PFDN1: variants seen among roughly 807,000 people sequenced by gnomAD.
PFDN1 encodes prefoldin 1.
In PFDN1, 6 loss-of-function variants were observed where a neutral mutation model predicts 17.3. That is an observed-to-expected ratio of 0.35 (90% CI 0.19 to 0.69). PFDN1 has a LOEUF of 0.69. Ranked by LOEUF, PFDN1 falls within the 30% of genes least tolerant of loss-of-function variation. PFDN1 has a pLI of 0.65. For synonymous variants in PFDN1, 58 were observed against 50.1 expected (o/e 1.16, Z -0.67); for missense variants, 113 against 146.2 (o/e 0.77, Z 1.17).
At chr5:140,283,524 C>T (rs578228174) in intron 2 of PFDN1, among the ~76,000 whole-genome samples, 6 of 152,326 alleles carry the variant, frequency 3.9e-5, no homozygotes, top group Non-Finnish European at 5.9e-5. Flanking sequence ...TGAGCCACCA[C>T]GCCCAGCCCA....
chr5:140,260,385 TTGTAAA>T (rs60819269), intron 3 of PFDN1, among the ~76,000 whole-genome samples: 70,823 of 150,850 alleles, frequency 0.47, 16,766 homozygotes, highest in South Asian at 0.71. Context: ...AAACAAAAAC[TTGTAAA>T]TGTTCATAGC....
chr5:140,294,751 T>C (rs1765628676), intron 2 of PFDN1, among the ~76,000 whole-genome samples: 1 of 152,090 alleles, frequency 6.6e-6, no homozygotes, highest in Non-Finnish European at 1.5e-5. Flanking sequence ...TTTCTACTTA[T>C]GCCACATTTA....
At chr5:140,250,215 T>C (rs1467978672) in intron 3 of PFDN1, among the ~76,000 whole-genome samples, 1 of 152,134 alleles carries the variant, frequency 6.6e-6, no homozygotes, top group East Asian at 1.9e-4. Flanking sequence ...CATGCATGCA[T>C]GGTCTTGGTT....
intron 3 of PFDN1, among the ~76,000 whole-genome samples, chr5:140,258,179 G>A (rs191617006): frequency 1.2e-4 from 19 of 152,252 alleles, no homozygotes; most frequent in Admixed American, 1.2e-3. Context: ...TTAAGCAGGA[G>A]AGCAAAAGTC....
chr5:140,279,280 T>C (rs1037634818), intron 3 of PFDN1, among the ~76,000 whole-genome samples: 7 of 152,202 alleles, frequency 4.6e-5, no homozygotes, highest in African/African-American at 1.7e-4. Flanking sequence ...ATTTTATTTA[T>C]GGTGTACTTC....
intron 3 of PFDN1, among the ~76,000 whole-genome samples, chr5:140,256,343 G>A (rs1764985159): frequency 6.6e-6 from 1 of 151,978 alleles, no homozygotes; most frequent in African/African-American, 2.4e-5. Flanking sequence ...TCAAGCCACT[G>A]TACTCCAGCG....
chr5:140,264,762 C>T (rs190331528), intron 3 of PFDN1, among the ~76,000 whole-genome samples: 8 of 152,220 alleles, frequency 5.3e-5, no homozygotes, highest in Admixed American at 5.2e-4. Context: ...GGAGGAACAC[C>T]TGAGCCCAGG....
intron 3 of PFDN1, among the ~76,000 whole-genome samples, chr5:140,261,829 G>A (rs1169520831): frequency 1.3e-5 from 2 of 151,936 alleles, no homozygotes; most frequent in African/African-American, 4.8e-5. Flanking sequence ...CATAGCTCTC[G>A]GTGTTCTGAG....
intron 2 of PFDN1, among the ~76,000 whole-genome samples, chr5:140,292,335 C>A (rs1375345651): frequency 6.6e-6 from 1 of 152,092 alleles, no homozygotes; most frequent in Non-Finnish European, 1.5e-5. Context: ...ACTCCTTGTA[C>A]AAAAGCAGAA....
At chr5:140,270,626 TA>T (rs1765192464) in intron 3 of PFDN1, among the ~76,000 whole-genome samples, 2 of 152,020 alleles carry the variant, frequency 1.3e-5, no homozygotes, top group African/African-American at 4.8e-5. Context: ...GCTATCCAAT[TA>T]AAAGAACCAA....
rs1005800584 is a variant in PFDN1, at chr5:140,277,512, T to TA, written c.285+3936dup. Among the ~76,000 whole-genome samples the TA allele has an allele frequency of 1.1e-3, 167 of 147,024 alleles. No homozygotes were observed. The Middle Eastern group carries it at 0.021, about 19-fold the overall frequency. On this transcript the variant is annotated intron_variant, in intron 3 of 3. Coordinates refer to ENST00000261813, the MANE Select transcript of PFDN1 (RefSeq NM_002622.5). ...GAAATACAAATTTTCCAGAATTTAT[T>TA]AAAAAAAAAACACTAATCCTCAGAT...
Position 140,252,678 on chromosome 5 carries a change from G to A in PFDN1, c.286-6621C>T, listed in dbSNP as rs973003199. Among the ~76,000 whole-genome samples, 2 of 152,220 alleles carry A rather than the reference G, an allele frequency of 1.3e-5. 1 individual carries two copies. The highest frequency in any genetic ancestry group is 1.3e-4 in the Admixed American group (2 of 15,290). On this transcript the variant is annotated intron_variant, in intron 3 of 3. Coordinates refer to ENST00000261813, the MANE Select transcript of PFDN1 (RefSeq NM_002622.5). ...CCACAATGGGGATGTTTGGCAAGAG[G>A]CCAAGAACTCACTGAGGGCTGAAGA...
intron 3 of PFDN1, among the ~76,000 whole-genome samples, chr5:140,261,604 T>C (rs1308824171): frequency 1.3e-5 from 2 of 152,156 alleles, no homozygotes; most frequent in Non-Finnish European, 2.9e-5. Context: ...CTCGGCTGAT[T>C]TGTATGGGTC....
intron 3 of PFDN1, among the ~76,000 whole-genome samples, chr5:140,270,708 G>A (rs1363075623): frequency 2.0e-5 from 3 of 152,204 alleles, no homozygotes; most frequent in East Asian, 3.9e-4. Flanking sequence ...GGCGGATAAC[G>A]GGGTCAGGAG....
chr5:140,289,043 T>C lies in PFDN1; in HGVS notation c.201-7510A>G, dbSNP rs562248731. Among the ~76,000 whole-genome samples, 22 of 151,706 alleles carry C rather than the reference T, an allele frequency of 1.5e-4. No individual in the cohort carries two copies. In the South Asian group the frequency reaches 4.6e-3, roughly 32 times the overall value. ...GCTCACGCCTGTAATCCCAGCACTT[T>C]GGGAGGCTGAGGTGAGGGGATCACT... is the stretch of plus-strand genomic sequence containing the variant. On this transcript the variant is annotated intron_variant, in intron 2 of 3. Coordinates refer to ENST00000261813, the MANE Select transcript of PFDN1 (RefSeq NM_002622.5).
At chr5:140,271,620 T>A (rs914824016) in intron 3 of PFDN1, among the ~76,000 whole-genome samples, 2 of 151,976 alleles carry the variant, frequency 1.3e-5, no homozygotes, top group African/African-American at 4.8e-5. Flanking sequence ...TCTCCTGGAG[T>A]GTGGGTGGAG....
intron 3 of PFDN1, among the ~76,000 whole-genome samples, chr5:140,253,017 C>T (rs957095984): frequency 2.0e-5 from 3 of 152,134 alleles, no homozygotes; most frequent in Non-Finnish European, 4.4e-5. Context: ...CACAGCTAGG[C>T]GATATGGTAA....
chr5:140,272,058 C>T (rs1258741860), intron 3 of PFDN1, among the ~76,000 whole-genome samples: 14 of 151,492 alleles, frequency 9.2e-5, no homozygotes, highest in African/African-American at 3.1e-4. Flanking sequence ...CTCACTGTGA[C>T]GCCCAGGCCG....
intron 2 of PFDN1, 49 bp from the exon 3 acceptor site, chr5:140,281,582 C>CG: frequency 9.9e-6 from 9 of 904,606 alleles, no homozygotes; most frequent in South Asian, 1.3e-5. Flanking sequence ...CTATTGAATT[C>CG]ATCGAAATCA....
Sources: allele counts gnomAD v4.1 joint callset (sites outside exome capture counted in the v4.1 genomes callset), GRCh38; gene constraint gnomAD v4.1.1; transcripts MANE v1.5; gene names NCBI Gene and HGNC (gene_info 2026-07-23, HGNC 2026-07-21).